Variants in SLC9A7 observed in about 807,000 individuals in gnomAD.
SLC9A7 encodes the protein sodium/hydrogen exchanger 7.
In SLC9A7, 19 loss-of-function variants were observed where a neutral mutation model predicts 52.6. The observed-to-expected ratio is 0.36, with a 90% CI of 0.25 to 0.53. The LOEUF (loss-of-function observed/expected upper bound fraction) is 0.53, where lower values mean the gene tolerates loss of function less well. SLC9A7 is among the 20% of genes least tolerant of loss of function. SLC9A7 has a pLI of 0.91. For missense variants in SLC9A7, 455 were observed against 597.9 expected, an observed-to-expected ratio of 0.76 and a Z score of 2.49; for synonymous variants, 226 against 252.1, an observed-to-expected ratio of 0.90 and a Z score of 0.98.
chrX:46,741,961 T>C (rs1233201161), intron 1 of SLC9A7, among the ~76,000 whole-genome samples: 4 of 110,806 alleles, frequency 3.6e-5, no homozygotes, highest in African/African-American at 1.3e-4. Flanking sequence ...AACAGTACAA[T>C]TTAAAAATGG....
intron 11 of SLC9A7, among the ~76,000 whole-genome samples, chrX:46,645,018 A>G (rs1285561164): frequency 1.8e-5 from 2 of 112,288 alleles, no homozygotes; most frequent in East Asian, 5.6e-4. Flanking sequence ...ACCAAGTATA[A>G]TACATTTTTC....
In SLC9A7 at chrX:46,725,709, C is replaced by T. The variant is rs141178223; in HGVS notation, c.325+32996G>A. 178 of 1,186,605 alleles carry T rather than the reference C, an allele frequency of 1.5e-4. No individual in the cohort carries two copies. The African/African-American group carries it at 2.9e-3, about 19-fold the overall frequency. On this transcript the variant is annotated intron_variant, in intron 1 of 16. Transcript: ENST00000616978. ...ATACTTCACTAGCTCAGCATCCAAT[C>T]GAGAAATCTTCTTGTCAATGGATTC...
intron 16 of SLC9A7, among the ~76,000 whole-genome samples, chrX:46,609,448 C>G (rs148778900): frequency 0.027 from 3,024 of 112,492 alleles, 98 homozygotes; most frequent in African/African-American, 0.091. Context: ...CGCCTGTAAT[C>G]CCAGCACTTT....
intron 2 of SLC9A7, among the ~76,000 whole-genome samples, chrX:46,681,420 A>C (rs142304561): frequency 8.9e-6 from 1 of 112,431 alleles, no homozygotes; most frequent in Non-Finnish European, 1.9e-5. Flanking sequence ...GAGAGCAAAG[A>C]GTGCTGCCAT....
intron 5 of SLC9A7, among the ~76,000 whole-genome samples, chrX:46,669,010 A>AC (rs773021342): frequency 1.7e-4 from 19 of 109,612 alleles, no homozygotes; most frequent in Non-Finnish European, 2.7e-4. Flanking sequence ...TACTAAAAAT[A>AC]CAAAAAAATT....
At chrX:46,624,666 A>G (rs1232794551) in intron 14 of SLC9A7, among the ~76,000 whole-genome samples, 6 of 112,067 alleles carry the variant, frequency 5.4e-5, no homozygotes, top group Non-Finnish European at 7.5e-5. Context: ...TTACTAATTA[A>G]GTTCATTTCC....
chrX:46,650,013 G>A (rs1444645804), intron 10 of SLC9A7, among the ~76,000 whole-genome samples: 2 of 112,252 alleles, frequency 1.8e-5, no homozygotes, highest in African/African-American at 6.5e-5. Flanking sequence ...CTATTAGTCT[G>A]GTAAGCATGG....
intron 1 of SLC9A7, among the ~76,000 whole-genome samples, chrX:46,709,694 T>A (rs1477176513): frequency 8.9e-6 from 1 of 112,171 alleles, no homozygotes; most frequent in African/African-American, 3.2e-5. Flanking sequence ...ACAATTGCTA[T>A]CCTCTGAGAG....
intron 4 of SLC9A7, among the ~76,000 whole-genome samples, chrX:46,670,516 T>C (rs753045411): frequency 8.1e-5 from 9 of 111,168 alleles, no homozygotes; most frequent in Non-Finnish European, 1.7e-4. Flanking sequence ...TCTGTGTGTG[T>C]GCGTGTGGTG....
At chrX:46,720,531 C>T (rs1944843210) in intron 1 of SLC9A7, among the ~76,000 whole-genome samples, 2 of 110,263 alleles carry the variant, frequency 1.8e-5, no homozygotes, top group South Asian at 3.9e-4. Flanking sequence ...AGGCTAGTCA[C>T]GCCATGACCC....
intron 1 of SLC9A7, among the ~76,000 whole-genome samples, chrX:46,711,539 C>T (rs1433418564): frequency 8.9e-6 from 1 of 111,735 alleles, no homozygotes; most frequent in Non-Finnish European, 1.9e-5. Context: ...TCATTTTAGT[C>T]TGTATCCAGT....
At chrX:46,630,109 C>T in intron 14 of SLC9A7, among the ~76,000 whole-genome samples, 1 of 111,528 alleles carries the variant, frequency 9.0e-6, no homozygotes, top group East Asian at 2.8e-4. Flanking sequence ...GTCCCTTGAG[C>T]AGGGACCTAG....
chrX:46,729,841 T>G (rs754463807), intron 1 of SLC9A7, among the ~76,000 whole-genome samples: 1 of 112,070 alleles, frequency 8.9e-6, no homozygotes, highest in Non-Finnish European at 1.9e-5. Flanking sequence ...TTTAAAAAGA[T>G]GATTCCTGAA....
intron 3 of SLC9A7, among the ~76,000 whole-genome samples, chrX:46,674,600 G>A (rs1944079835): frequency 9.0e-6 from 1 of 111,436 alleles, no homozygotes; most frequent in Non-Finnish European, 1.9e-5. Flanking sequence ...TGGAAAGCTG[G>A]TCTCCTGACC....
chrX:46,651,070 GTC>G (rs773784856), intron 10 of SLC9A7, 38 bp downstream of exon 10: 2 of 884,508 alleles, frequency 2.3e-6, no homozygotes, highest in South Asian at 4.4e-5. Context: ...AACAGTGGTC[GTC>G]TCTGCATGTA....
At chrX:46,722,130 A>G (rs1944870648) in intron 1 of SLC9A7, among the ~76,000 whole-genome samples, 1 of 111,173 alleles carries the variant, frequency 9.0e-6, no homozygotes, top group Non-Finnish European at 1.9e-5. Context: ...AGTAGTGAGT[A>G]CTAGGGTCAA....
intron 1 of SLC9A7, among the ~76,000 whole-genome samples, chrX:46,707,122 G>A (rs1264116807): frequency 8.9e-6 from 1 of 111,733 alleles, no homozygotes; most frequent in East Asian, 2.8e-4. Context: ...GAAAACCACT[G>A]CAAGGATAGT....
chrX:46,697,242 T>C (rs113812120), intron 1 of SLC9A7, among the ~76,000 whole-genome samples: 1,346 of 112,455 alleles, frequency 0.012, 16 homozygotes, highest in African/African-American at 0.041. Context: ...AAGAGATCTA[T>C]TGGACAACAT....
intron 1 of SLC9A7, among the ~76,000 whole-genome samples, chrX:46,687,560 A>G (rs1044525341): frequency 1.8e-5 from 2 of 111,857 alleles, no homozygotes; most frequent in African/African-American, 6.5e-5. Context: ...GAGAGTGAAT[A>G]TTACAGCCCT....
Sources: gnomAD v4.1 joint callset for allele counts (sites outside exome capture counted in the v4.1 genomes callset) on GRCh38, gnomAD v4.1.1 for gene constraint, MANE v1.5 for transcripts, NCBI Gene and HGNC (gene_info 2026-07-23, HGNC 2026-07-21) for gene names.